SCLT1: variants seen among roughly 807,000 people sequenced by gnomAD.
The protein encoded by SCLT1 is sodium channel and clathrin linker 1.
A neutral mutation model predicts 112.8 loss-of-function variants in SCLT1; 78 were observed. The ratio of observed to expected loss-of-function variants is 0.69; its 90% CI spans 0.58 to 0.83. SCLT1 has a LOEUF of 0.83. Among genes scored for constraint, SCLT1 ranks in the 40% least tolerant of loss-of-function variants. The pLI, the probability that SCLT1 is intolerant of heterozygous loss-of-function variation, is 0.00. For synonymous variants in SCLT1, 257 were observed against 254.7 expected (o/e 1.01, Z -0.09); for missense variants, 747 against 770.4 (o/e 0.97, Z 0.36).
chr4:128,957,080 C>G lies in SCLT1; in HGVS notation c.1092G>C (p.Met364Ile). The G allele has an allele frequency of 6.2e-7, 1 of 1,602,314 alleles. No individual in the cohort carries two copies. Among genetic ancestry groups the G allele is most frequent in the East Asian group, 2.3e-5 (1 of 44,392 alleles). The change falls in exon 13 of 21, where the codon ATG (methionine) becomes ATC (isoleucine). Residue 364 changes from methionine (M) to isoleucine (I), a missense_variant. Around this residue, in one of 2 missense-constraint regions of SCLT1, gnomAD observed 723 missense variants for 721.3 expected, o/e 1.00. Coordinates refer to ENST00000281142, the MANE Select transcript of SCLT1 (RefSeq NM_144643.4). ...EKQKEEDIEK[M>I]KETVSRFVQD... is the part of the protein sequence containing the mutation. ...GTACAAACCGAGAAACTGTCTCTTT[C>G]ATTTTCTCTATGTCTTCTTCTTTTT...
chr4:129,034,007 G>A (rs529624523), intron 5 of SCLT1, among the ~76,000 whole-genome samples: 1 of 152,258 alleles, frequency 6.6e-6, no homozygotes, highest in Admixed American at 6.5e-5. Flanking sequence ...ATGACCTCAA[G>A]TAGCACCAGC....
At chr4:128,985,572 A>G (rs1742017513) in intron 9 of SCLT1, among the ~76,000 whole-genome samples, 1 of 152,208 alleles carries the variant, frequency 6.6e-6, no homozygotes, top group South Asian at 2.1e-4. Flanking sequence ...CTTAACACTA[A>G]TCTGTTGTGT....
intron 17 of SCLT1, among the ~76,000 whole-genome samples, chr4:128,942,467 C>T (rs761392878): frequency 2.0e-5 from 3 of 151,974 alleles, no homozygotes; most frequent in Non-Finnish European, 4.4e-5. Context: ...GATCACCTTC[C>T]TATTACCAAA....
chr4:129,085,764 C>A (rs1752338784), intron 1 of SCLT1, among the ~76,000 whole-genome samples: 1 of 152,064 alleles, frequency 6.6e-6, no homozygotes, highest in Non-Finnish European at 1.5e-5. Flanking sequence ...AATGCAGGAA[C>A]AGAAAACCAA....
At chr4:128,890,119 C>T (rs1280639089) in intron 19 of SCLT1, among the ~76,000 whole-genome samples, 3 of 152,068 alleles carry the variant, frequency 2.0e-5, no homozygotes, top group African/African-American at 7.2e-5. Flanking sequence ...GGAAAAAATT[C>T]CATCATCTGT....
chr4:128,930,669 A>C (rs1352858990), intron 18 of SCLT1, among the ~76,000 whole-genome samples: 1 of 152,154 alleles, frequency 6.6e-6, no homozygotes, highest in South Asian at 2.1e-4. Context: ...TTTTATATCC[A>C]GGAGTTAGGG....
In SCLT1 at chr4:128,959,590, G is replaced by T; in HGVS notation, c.1047+10C>A. The T allele has an allele frequency of 6.2e-7, 1 of 1,604,120 alleles. No homozygotes were observed. The highest frequency in any genetic ancestry group is 8.5e-7 in the Non-Finnish European group (1 of 1,172,356). On this transcript the variant is annotated intron_variant, in intron 12 of 20. Transcript: ENST00000281142. Reference sequence around the variant, plus strand: ...TTATTATATCTAAACATATTTACTAGCTTTCTTACCTGACTTTTTTGAAGG... The same window carrying T: ...TTATTATATCTAAACATATTTACTATCTTTCTTACCTGACTTTTTTGAAGG...
intron 17 of SCLT1, among the ~76,000 whole-genome samples, chr4:128,938,987 AAAC>A (rs375993853): frequency 7.9e-5 from 12 of 152,110 alleles, no homozygotes; most frequent in Non-Finnish European, 1.2e-4. Context: ...CAAACAACAA[AAAC>A]AACAACAACA....
intron 17 of SCLT1, among the ~76,000 whole-genome samples, chr4:128,941,909 C>T (rs1340633431): frequency 6.6e-6 from 1 of 152,008 alleles, no homozygotes; most frequent in Non-Finnish European, 1.5e-5. Context: ...CCAGTTTTCC[C>T]CCCACTGAAC....
intron 10 of SCLT1, among the ~76,000 whole-genome samples, chr4:128,966,425 C>G (rs886925842): frequency 6.6e-6 from 1 of 152,114 alleles, no homozygotes; most frequent in African/African-American, 2.4e-5. Context: ...AACCTTGCAA[C>G]AGCATATATC....
rs1283597950 is a variant in SCLT1, at chr4:129,063,367, A to G, written c.102+18939T>C. ...TACCCACTCCATACCTTCAGCCATT[A>G]CCGTTTAGGGAGAATTCCTAAGACT... On this transcript the variant is annotated intron_variant, in intron 2 of 20. Transcript: ENST00000281142. 1.3e-5 allele frequency among the ~76,000 whole-genome samples: 2 copies of G among 152,342 alleles called. 1 individual carries two copies. Among genetic ancestry groups the G allele is most frequent in the Middle Eastern group, 6.8e-3 (2 of 294 alleles).
At chr4:129,010,828 A>T (rs1744454240) in intron 5 of SCLT1, among the ~76,000 whole-genome samples, 1 of 152,180 alleles carries the variant, frequency 6.6e-6, no homozygotes, top group South Asian at 2.1e-4. Context: ...TTATGCCAAG[A>T]CTATGAAGTT....
At chr4:128,893,376 C>T (rs1217597397) in intron 18 of SCLT1, among the ~76,000 whole-genome samples, 2 of 152,248 alleles carry the variant, frequency 1.3e-5, no homozygotes, top group African/African-American at 2.4e-5. Context: ...TGAGCAACTT[C>T]ATTATTCATC....
intron 2 of SCLT1, among the ~76,000 whole-genome samples, chr4:129,053,986 C>T (rs544659387): frequency 1.3e-5 from 2 of 151,986 alleles, no homozygotes; most frequent in African/African-American, 2.4e-5. Context: ...TTGTCTGTAA[C>T]GGGTTTTATT....
At chr4:128,997,375 A>G (rs1743100313) in intron 8 of SCLT1, 1 of 151,946 alleles carries the variant, frequency 6.6e-6, no homozygotes, top group Admixed American at 6.6e-5. Context: ...AAAGTAAAGA[A>G]AACAAAAGTG....
intron 5 of SCLT1, among the ~76,000 whole-genome samples, chr4:129,032,166 A>G (rs559310496): frequency 1.3e-5 from 2 of 152,140 alleles, no homozygotes; most frequent in South Asian, 4.2e-4. Context: ...ACAGAACAGA[A>G]AACTCAGAAA....
intron 5 of SCLT1, among the ~76,000 whole-genome samples, chr4:129,030,866 A>G (rs957715829): frequency 6.6e-6 from 1 of 152,120 alleles, no homozygotes; most frequent in African/African-American, 2.4e-5. Context: ...TCACAGCCGA[A>G]TTCTACATCA....
chr4:129,069,253 G>A (rs1750767420), intron 2 of SCLT1, among the ~76,000 whole-genome samples: 1 of 152,046 alleles, frequency 6.6e-6, no homozygotes, highest in Non-Finnish European at 1.5e-5. Flanking sequence ...CTTTGGCTAT[G>A]CAGGCTCTCT....
intron 18 of SCLT1, among the ~76,000 whole-genome samples, chr4:128,911,362 A>G (rs1008402635): frequency 5.3e-5 from 8 of 152,236 alleles, no homozygotes; most frequent in African/African-American, 1.9e-4. Flanking sequence ...CTATACACTA[A>G]TAAGTTAACT....
Sources: gnomAD v4.1 joint callset for allele counts (sites outside exome capture counted in the v4.1 genomes callset) on GRCh38, gnomAD v4.1.1 for gene constraint, gnomAD v4.1.1 regional missense constraint, MANE v1.5 for transcripts, NCBI Gene and HGNC (gene_info 2026-07-23, HGNC 2026-07-21) for gene names.